Variants in METTL22 observed in about 807,000 individuals in gnomAD.
The protein encoded by METTL22 is methyltransferase-like protein 22.
METTL22 carries 51 observed loss-of-function variants against 48.4 expected under a neutral mutation model. The ratio of observed to expected loss-of-function variants is 1.05; its 90% CI spans 0.84 to 1.33. METTL22 has a LOEUF of 1.33. METTL22 is among the 40% of genes most tolerant of loss of function. METTL22 has a pLI of 0.00. For synonymous variants in METTL22, 255 were observed against 214.1 expected (o/e 1.19, Z -1.67); for missense variants, 678 against 526.9 (o/e 1.29, Z -2.81).
downstream of METTL22, among the ~76,000 whole-genome samples, chr16:8,650,080 C>T (rs1247648396): frequency 1.3e-5 from 2 of 152,128 alleles, no homozygotes; most frequent in African/African-American, 2.4e-5. Context: ...GATCCCAGCA[C>T]TTTGGGAGGC....
At chr16:8,657,033 C>T in the METTL22 span, among the ~76,000 whole-genome samples, 2 of 152,176 alleles carry the variant, frequency 1.3e-5, no homozygotes, top group African/African-American at 4.8e-5. Context: ...CCCTAATCAC[C>T]TCTTAAAAGT....
chr16:8,650,958 T>A (rs1245606191), downstream of METTL22, among the ~76,000 whole-genome samples: 3 of 152,022 alleles, frequency 2.0e-5, no homozygotes, highest in African/African-American at 7.2e-5. Context: ...GAGGTGGAGT[T>A]TGCAGTGAGC....
intron 3 of METTL22, among the ~76,000 whole-genome samples, chr16:8,633,508 A>C (rs577406090): frequency 2.0e-4 from 31 of 152,332 alleles, no homozygotes; most frequent in African/African-American, 7.2e-4. Flanking sequence ...CGAGAGGCTT[A>C]GGTGGCAGGG....
intron 10 of METTL22, 23 bp downstream of exon 10, chr16:8,644,748 G>A: frequency 6.5e-7 from 1 of 1,532,372 alleles, no homozygotes; most frequent in Non-Finnish European, 8.8e-7. Context: ...CCCGAAGCAG[G>A]GCCGTTGGTT....
chr16:8,653,500 G>A (rs571706678), downstream of METTL22, among the ~76,000 whole-genome samples: 6 of 152,270 alleles, frequency 3.9e-5, no homozygotes, highest in East Asian at 1.2e-3. Flanking sequence ...AATGGAAAGG[G>A]TATAAAACAT....
At chr16:8,665,134 A>T in the METTL22 span, among the ~76,000 whole-genome samples, 1 of 64,362 alleles carries the variant, frequency 1.6e-5, no homozygotes, top group Non-Finnish European at 3.9e-5. Flanking sequence ...GTATCTACTA[A>T]AAATACAAAA....
rs1406432438 is a variant in METTL22, at chr16:8,628,829, C to T, written c.233C>T (p.Pro78Leu). 2.5e-6 allele frequency: 4 copies of T among 1,614,190 alleles called. No homozygotes were observed. The highest frequency in any genetic ancestry group is 3.4e-6 in the Non-Finnish European group (4 of 1,180,036). Residue 78 changes from proline (P) to leucine (L), a missense_variant, in exon 3 of 11, where the codon CCT (proline) becomes CTT (leucine). Pro to Leu is a moderately conservative substitution (Grantham distance 98). Coordinates refer to ENST00000381920, the MANE Select transcript of METTL22 (RefSeq NM_024109.4). ...SHRDVHTKEPPSAETGSTGSP... is the reference protein window; with the variant it reads ...SHRDVHTKEPLSAETGSTGSP... ...AGAGATGTTCACACAAAGGAGCCTCCTTCTGCTGAGACAGGCAGCACAGGG... is the reference window on the plus strand; with the variant it reads ...AGAGATGTTCACACAAAGGAGCCTCTTTCTGCTGAGACAGGCAGCACAGGG...
chr16:8,661,660 A>AG, the METTL22 span, among the ~76,000 whole-genome samples: 1 of 140,962 alleles, frequency 7.1e-6, no homozygotes, highest in South Asian at 2.3e-4. Flanking sequence ...AAAAAAAAAA[A>AG]GAACTTAAAA....
intron 2 of METTL22, among the ~76,000 whole-genome samples, chr16:8,627,800 C>T (rs146781695): frequency 0.021 from 3,269 of 152,240 alleles, 111 homozygotes; most frequent in African/African-American, 0.073. Context: ...AGCTGGAGTG[C>T]GGTGGTGCAG....
At chr16:8,656,620 C>G in the METTL22 span, among the ~76,000 whole-genome samples, 1 of 152,240 alleles carries the variant, frequency 6.6e-6, no homozygotes, top group Non-Finnish European at 1.5e-5. Context: ...CAGCCAGTCC[C>G]TGTCACTCCA....
chr16:8,644,716 C>G lies in METTL22; in HGVS notation c.1170C>G (p.Leu390=), dbSNP rs780763511. The G allele has an allele frequency of 6.3e-7, 1 of 1,589,724 alleles. No homozygotes were observed. Residue 390 remains leucine, a synonymous_variant, in exon 10 of 11, where the codon CTC becomes CTG. Transcript: ENST00000381920. ...CACAGCTCCTGGTTTACGAGCGCCT[C>G]CAGCAACTGGTAGGTCCAGGCCCCG... ...SFPQLLVYER[L]QQLELWKIIA...
At chr16:8,644,886 T>G in intron 10 of METTL22, 161 bp downstream of exon 10, 1 of 715,798 alleles carries the variant, frequency 1.4e-6, no homozygotes, top group Non-Finnish European at 2.1e-6. Flanking sequence ...TGGAACCTGT[T>G]GGGGGAGCTA....
chr16:8,644,878 G>C lies in METTL22; in HGVS notation c.1179+153G>C, dbSNP rs972323118. On this transcript the variant is annotated intron_variant, in intron 10 of 10. Coordinates refer to ENST00000381920, the MANE Select transcript of METTL22 (RefSeq NM_024109.4). ...TGCGTGCCTGGCACCATCTGTAGTG[G>C]AACCTGTTGGGGGAGCTACATCCTG... 1.5e-5 allele frequency: 12 copies of C among 775,388 alleles called. 1 individual carries two copies. In the Admixed American group the frequency reaches 2.6e-4, roughly 17 times the overall value. The allele number at this position is 775,388 out of a possible 1,614,324, so 48.0% of individuals were successfully genotyped here. A position where few individuals can be genotyped will look rare whatever the true frequency, so the allele number is the denominator to read the frequency against.
chr16:8,626,691 C>G lies in METTL22; in HGVS notation c.133+893C>G, dbSNP rs145117411. On this transcript the variant is annotated intron_variant, in intron 2 of 10. Coordinates refer to ENST00000381920, the MANE Select transcript of METTL22 (RefSeq NM_024109.4). Reference sequence around the variant, plus strand: ...CTTGAACTTCTGACCTCAGGTGATCCTCCCACCCCGGCCTCCCAAAGTGCT... The same window carrying G: ...CTTGAACTTCTGACCTCAGGTGATCGTCCCACCCCGGCCTCCCAAAGTGCT... 3.9e-3 allele frequency among the ~76,000 whole-genome samples: 585 copies of G among 151,234 alleles called. 1 individual carries two copies. The highest frequency in any genetic ancestry group is 0.014 in the African/African-American group (561 of 41,164).
chr16:8,641,306 C>G, intron 7 of METTL22, 122 bp downstream of exon 7: 1 of 933,018 alleles, frequency 1.1e-6, no homozygotes, highest in Non-Finnish European at 1.7e-6. Context: ...GTCCCATCGG[C>G]GCATGGCAGC....
downstream of METTL22, among the ~76,000 whole-genome samples, chr16:8,652,641 G>T (rs1483969340): frequency 6.6e-6 from 1 of 150,792 alleles, no homozygotes; most frequent in East Asian, 1.9e-4. Context: ...AACATAGTGA[G>T]ACCCATTCTC....
chr16:8,656,962 C>G, the METTL22 span, among the ~76,000 whole-genome samples: 6 of 152,164 alleles, frequency 3.9e-5, no homozygotes, highest in Admixed American at 3.3e-4. Flanking sequence ...TATAAGGAAC[C>G]CACTCCCGAG....
Position 8,639,084 on chromosome 16 carries a change from A to T in METTL22, c.701-7A>T, listed in dbSNP as rs777642716. 11 of 1,614,022 alleles carry T rather than the reference A, an allele frequency of 6.8e-6. No homozygotes were observed. In the East Asian group the frequency reaches 2.5e-4, roughly 36 times the overall value. On this transcript the variant is annotated splice_polypyrimidine_tract_variant and splice_region_variant and intron_variant, in intron 5 of 10. Coordinates refer to ENST00000381920, the MANE Select transcript of METTL22 (RefSeq NM_024109.4). The stretch of plus-strand genomic sequence containing the variant: ...GGCACTTTATGGCTTGCCCTCTGTC[A>T]TTCCAGATGTCGGTGCAGATCTCTT...
At position 8,646,119 on chromosome 16, in the gene METTL22, G is replaced by A. The variant is rs1596372581; in HGVS notation, c.1191G>A (p.Lys397=). The change falls in exon 11 of 11, where the codon AAG becomes AAA. Residue 397 remains lysine, a synonymous_variant. Transcript: ENST00000381920. Reference sequence around the variant, plus strand: ...TCTGTTTGCTGCAGGAGCTCTGGAAGATCATCGCAGAACCAGTAACATGAC... The same window carrying A: ...TCTGTTTGCTGCAGGAGCTCTGGAAAATCATCGCAGAACCAGTAACATGAC... ...YERLQQLELW[K]IIAEPVT is the part of the protein sequence containing the mutation. 7.4e-7 allele frequency: 1 copy of A among 1,359,174 alleles called. No homozygotes were observed. The highest frequency in any genetic ancestry group is 3.1e-5 in the East Asian group (1 of 32,700). 84.2% of individuals were successfully genotyped at this position (1,359,174 alleles called of 1,614,324 possible).
Sources: allele counts gnomAD v4.1 joint callset (sites outside exome capture counted in the v4.1 genomes callset), GRCh38; gene constraint gnomAD v4.1.1; transcripts MANE v1.5; gene names NCBI Gene and HGNC (gene_info 2026-07-23, HGNC 2026-07-21).